KNTC1: variants seen among roughly 807,000 people sequenced by gnomAD.
KNTC1 encodes the protein kinetochore associated 1.
In KNTC1, 253 loss-of-function variants were observed where a neutral mutation model predicts 314.4. The observed-to-expected ratio is 0.80, with a 90% confidence interval of 0.73 to 0.89. KNTC1 has a LOEUF of 0.89. KNTC1 is among the 40% of genes least tolerant of loss of function. KNTC1 has a pLI of 0.00. For missense variants in KNTC1, 2,475 were observed against 2,572.9 expected (o/e 0.96, Z 0.82); for synonymous variants, 901 against 901.4 (o/e 1.00, Z 0.01).
chr12:122,584,157 T>TGA, intron 34 of KNTC1, 121 bp from the exon 35 acceptor site: 1 of 752,342 alleles, frequency 1.3e-6, no homozygotes, highest in South Asian at 1.8e-5. Flanking sequence ...CTATATACCA[T>TGA]GAGAACATTT....
chr12:122,625,396 C>G (rs976438099), intron 63 of KNTC1, among the ~76,000 whole-genome samples: 5 of 151,394 alleles, frequency 3.3e-5, no homozygotes, highest in African/African-American at 1.2e-4. Flanking sequence ...GAGCAAGACT[C>G]TGTCTCCAAA....
chr12:122,620,934 G>A (rs1023061740), intron 60 of KNTC1, among the ~76,000 whole-genome samples: 1 of 152,182 alleles, frequency 6.6e-6, no homozygotes. Context: ...ACAGAGGAGA[G>A]GACAAGAAGT....
rs1333210756 is a variant in KNTC1 at position 122,601,053 on chromosome 12, G to A, written c.4564-483G>A. ...TTTATCCTCACAGGTAATTTTAGAG[G>A]TGAGAAAATTGTAGCTCTTTATTTT... On this transcript the variant is annotated intron_variant, in intron 44 of 63. Transcript: ENST00000333479. Among the ~76,000 whole-genome samples, 6 of 152,126 alleles carry A rather than the reference G, an allele frequency of 3.9e-5. No individual in the cohort carries two copies. The East Asian group carries it at 9.7e-4, about 24-fold the overall frequency.
rs770874429 is a variant in KNTC1, at chr12:122,538,366, G to A, written c.278G>A (p.Cys93Tyr). 6.2e-7 allele frequency: 1 copy of A among 1,603,134 alleles called. No homozygotes were observed. The highest frequency in any genetic ancestry group is 8.5e-7 in the Non-Finnish European group (1 of 1,174,338). The change falls in exon 4 of 64, where the codon TGT (cysteine) becomes TAT (tyrosine). Residue 93 changes from cysteine to tyrosine, a missense_variant. Cys to Tyr is a radical substitution (Grantham distance 194, BLOSUM62 -2). Transcript: ENST00000333479. Reference protein sequence around the residue: ...FDTEVDVVGLCQEGKFLLVGE... With the variant: ...FDTEVDVVGLYQEGKFLLVGE... ...ACTGAAGTGGATGTAGTTGGCCTTT[G>A]TCAAGAAGGAAAGTTTCTTTTGGTT...
intron 16 of KNTC1, among the ~76,000 whole-genome samples, chr12:122,554,076 A>AAATATATATATATATAT (rs370146333): frequency 2.7e-4 from 29 of 109,046 alleles, no homozygotes; most frequent in African/African-American, 7.8e-4. Flanking sequence ...AAAAAAAAAA[A>AAATATATATATATATAT]ATATATATAT....
rs78222226 is a variant in KNTC1, at chr12:122,537,037, A to G, written c.251-1302A>G. ...GTGGTGGGATGAGTAACGATGATCC[A>G]TTTGTGAAAAGACATTGTGGCGGAA... On this transcript the variant is annotated intron_variant, in intron 3 of 63. Coordinates refer to ENST00000333479, the MANE Select transcript of KNTC1 (RefSeq NM_014708.6). Among the ~76,000 whole-genome samples the G allele has an allele frequency of 1.3e-3, 196 of 152,344 alleles. 1 individual carries two copies. Among genetic ancestry groups the G allele is most frequent in the Non-Finnish European group, 2.4e-3 (161 of 68,032 alleles).
At chr12:122,569,412 GTA>G (rs1026622372) in intron 21 of KNTC1, among the ~76,000 whole-genome samples, 5 of 152,110 alleles carry the variant, frequency 3.3e-5, no homozygotes, top group Admixed American at 3.3e-4. Context: ...TGAATTCCTA[GTA>G]TCACCCCCAG....
At position 122,594,357 on chromosome 12, in the gene KNTC1, G is replaced by A. The variant is rs896733876; in HGVS notation, c.4327G>A (p.Asp1443Asn). The A allele has an allele frequency of 4.4e-6, 7 of 1,599,160 alleles. No homozygotes were observed. Among genetic ancestry groups the A allele is most frequent in the Admixed American group, 3.4e-5 (2 of 59,672 alleles). ...IKALVENIDM[D>N]TSLILEYCST... ...AGCTCTTGTGGAGAATATAGATATGGACACAAGCCTCATTTTGGAATATTG... is the reference window on the plus strand; with the variant it reads ...AGCTCTTGTGGAGAATATAGATATGAACACAAGCCTCATTTTGGAATATTG... Residue 1443 changes from aspartate to asparagine, a missense_variant, in exon 43 of 64, where the codon GAC becomes AAC. By Grantham distance (23) the Asp-to-Asn change is conservative. Coordinates refer to ENST00000333479, the MANE Select transcript of KNTC1 (RefSeq NM_014708.6).
chr12:122,558,735 G>A (rs1963770121), intron 18 of KNTC1, among the ~76,000 whole-genome samples: 1 of 151,798 alleles, frequency 6.6e-6, no homozygotes, highest in Admixed American at 6.6e-5. Flanking sequence ...AATGAGCTGG[G>A]TGTGGTGGTG....
rs530006075 is a variant in KNTC1 at position 122,548,955 on chromosome 12, G to A, written c.988-811G>A. Among the ~76,000 whole-genome samples, 47 of 152,196 alleles carry A rather than the reference G, an allele frequency of 3.1e-4. 1 individual carries two copies. The highest frequency in any genetic ancestry group is 8.9e-4 in the African/African-American group (37 of 41,522). ...TGTACTCCACCTGGGCAACAAAAGC[G>A]AAACTCCATCTCAAAAAAAGTAAAA... On this transcript the variant is annotated intron_variant, in intron 12 of 63. Transcript: ENST00000333479.
intron 31 of KNTC1, among the ~76,000 whole-genome samples, chr12:122,578,573 A>T (rs1403251089): frequency 6.6e-6 from 1 of 151,778 alleles, no homozygotes; most frequent in Non-Finnish European, 1.5e-5. Context: ...GGCGTCCGCC[A>T]CCACACCTGG....
chr12:122,612,605 G>C (rs1873291634), intron 53 of KNTC1, among the ~76,000 whole-genome samples: 1 of 150,426 alleles, frequency 6.6e-6, no homozygotes, highest in South Asian at 2.1e-4. Context: ...TTTTAGTAGA[G>C]ACGTGGGTTT....
rs71085821 is a variant in KNTC1 at position 122,554,064 on chromosome 12, TA to T, written c.1272+2381del. ...GTTTTAAACATACAGAATACTTCCT[TA>T]AAAAAAAAAAAATATATATATATAT... On this transcript the variant is annotated intron_variant, in intron 16 of 63. Transcript: ENST00000333479. 9.6e-3 allele frequency among the ~76,000 whole-genome samples: 1,180 copies of T among 122,542 alleles called. 23 individuals are homozygous for T. The highest frequency in any genetic ancestry group is 0.067 in the East Asian group (286 of 4,266). The allele number at this position is 122,542 out of a possible 152,430, so 80.4% of individuals were successfully genotyped here.
At chr12:122,602,449 C>T (rs1872050395) in intron 45 of KNTC1, 120 bp from the exon 46 acceptor site, 2 of 620,014 alleles carry the variant, frequency 3.2e-6, no homozygotes, top group African/African-American at 1.9e-5. Flanking sequence ...TTTTGATCCT[C>T]TTTCTGAAAA....
chr12:122,533,943 T>A (rs148671555), intron 2 of KNTC1, among the ~76,000 whole-genome samples: 12 of 152,322 alleles, frequency 7.9e-5, no homozygotes, highest in Non-Finnish European at 1.6e-4. Flanking sequence ...TTATTGTTAC[T>A]CTTTTACATG....
chr12:122,536,078 T>C (rs949524053), intron 3 of KNTC1, among the ~76,000 whole-genome samples: 6 of 149,928 alleles, frequency 4.0e-5, no homozygotes, highest in African/African-American at 1.5e-4. Context: ...TATTTTTTTT[T>C]TTTTTTAGTA....
chr12:122,615,459 A>G lies in KNTC1; in HGVS notation c.5974-11A>G, dbSNP rs1391916855. ...GGTCTTTAGAACTTTTTTATTTTTA[A>G]TTTTTTACAGATTCCTTATCTAAGG... is the stretch of plus-strand genomic sequence containing the variant. On this transcript the variant is annotated splice_polypyrimidine_tract_variant and intron_variant, in intron 56 of 63. Coordinates refer to ENST00000333479, the MANE Select transcript of KNTC1 (RefSeq NM_014708.6). 1 of 1,505,968 alleles carries G rather than the reference A, an allele frequency of 6.6e-7. No individual in the cohort carries two copies. Among genetic ancestry groups the G allele is most frequent in the Non-Finnish European group, 8.9e-7 (1 of 1,122,782 alleles). The allele number at this position is 1,505,968 out of a possible 1,614,324, so 93.3% of individuals were successfully genotyped here. A position where few individuals can be genotyped will look rare whatever the true frequency, so the allele number is the denominator to read the frequency against.
chr12:122,615,500 A>G lies in KNTC1; in HGVS notation c.6004A>G (p.Ile2002Val). 1 of 1,528,716 alleles carries G rather than the reference A, an allele frequency of 6.5e-7. No individual in the cohort carries two copies. Among genetic ancestry groups the G allele is most frequent in the South Asian group, 1.2e-5 (1 of 81,670 alleles). 94.7% of individuals were successfully genotyped at this position (1,528,716 alleles called of 1,614,324 possible). A position where few individuals can be genotyped will look rare whatever the true frequency, so the allele number is the denominator to read the frequency against. ...TTATCTAAGGAAAGTTTTAAAAGCCATCTCCAGTATCCATTCTTTATGGCA... is the reference window on the plus strand; with the variant it reads ...TTATCTAAGGAAAGTTTTAAAAGCCGTCTCCAGTATCCATTCTTTATGGCA... ...IPYLRKVLKA[I>V]SSIHSLWQVP... Residue 2002 changes from isoleucine (I) to valine (V), a missense_variant, in exon 57 of 64, where the codon ATC (isoleucine) becomes GTC (valine). Coordinates refer to ENST00000333479, the MANE Select transcript of KNTC1 (RefSeq NM_014708.6).
intron 41 of KNTC1, 116 bp from the exon 42 acceptor site, chr12:122,591,221 A>G (rs1217972238): frequency 2.8e-6 from 2 of 704,132 alleles, no homozygotes; most frequent in Non-Finnish European, 2.6e-6. Context: ...ATAATATGTA[A>G]CATTCTACAC....
Sources: gnomAD v4.1 joint callset for allele counts (sites outside exome capture counted in the v4.1 genomes callset) on GRCh38, gnomAD v4.1.1 for gene constraint, MANE v1.5 for transcripts, NCBI Gene and HGNC (gene_info 2026-07-23, HGNC 2026-07-21) for gene names.